Variants in SRFBP1 observed in about 807,000 individuals in gnomAD.
SRFBP1 encodes serum response factor binding protein 1, also known as serum response factor-binding protein 1.
In SRFBP1, 47 loss-of-function variants were observed where a neutral mutation model predicts 45.5. That is an observed-to-expected ratio of 1.03 (90% CI 0.82 to 1.32). SRFBP1 has a LOEUF of 1.32. Ranked by LOEUF, SRFBP1 falls within the 40% of genes most tolerant of loss-of-function variation. SRFBP1 has a pLI of 0.00. For synonymous variants in SRFBP1, 203 were observed against 166.3 expected, an observed-to-expected ratio of 1.22 and a Z score of -1.70; for missense variants, 621 against 484.6, an observed-to-expected ratio of 1.28 and a Z score of -2.64.
downstream of SRFBP1, chr5:122,077,986 C>T: frequency 2.7e-6 from 4 of 1,454,658 alleles, no homozygotes; most frequent in Non-Finnish European, 3.6e-6. The surrounding 1 kb of genome is among the most constrained non-coding windows in gnomAD (Gnocchi z 4.9). Flanking sequence ...CGAAGCGCAT[C>T]ACTCCTTTTG....
At chr5:122,033,775 T>G (rs1180017970) in intron 2 of SRFBP1, among the ~76,000 whole-genome samples, 2 of 151,680 alleles carry the variant, frequency 1.3e-5, no homozygotes, top group East Asian at 3.9e-4. Flanking sequence ...TCTGCTTTCT[T>G]GTTTCCATTT....
intron 1 of SRFBP1, among the ~76,000 whole-genome samples, chr5:121,969,139 T>C (rs1401516432): frequency 1.3e-5 from 2 of 152,200 alleles, no homozygotes; most frequent in African/African-American, 4.8e-5. Context: ...GAGCTCATTC[T>C]CTAAAAAGCA....
intron 2 of SRFBP1, among the ~76,000 whole-genome samples, chr5:122,038,371 CA>C (rs1753724022): frequency 6.6e-6 from 1 of 152,086 alleles, no homozygotes; most frequent in South Asian, 2.1e-4. Flanking sequence ...AGTGACAAAG[CA>C]GTTATTAAAA....
chr5:121,979,792 G>T (rs548704347), intron 3 of SRFBP1, among the ~76,000 whole-genome samples: 13 of 152,188 alleles, frequency 8.5e-5, no homozygotes, highest in African/African-American at 2.9e-4. Context: ...AGGAAGTCTG[G>T]TTATTACCTC....
At chr5:121,977,445 T>G (rs1752326419) in intron 3 of SRFBP1, among the ~76,000 whole-genome samples, 1 of 152,124 alleles carries the variant, frequency 6.6e-6, no homozygotes, top group Admixed American at 6.6e-5. Flanking sequence ...ACGTGTCAAA[T>G]TTTATTCCTT....
At chr5:122,057,797 G>C (rs1490772721) in intron 2 of SRFBP1, among the ~76,000 whole-genome samples, 1 of 152,018 alleles carries the variant, frequency 6.6e-6, no homozygotes, top group Non-Finnish European at 1.5e-5. Flanking sequence ...TCCCATCTCA[G>C]CCTCCTGAGC....
In SRFBP1 at chr5:121,989,604, C is replaced by T. The variant is rs959793806; in HGVS notation, c.199-4995C>T. Among the ~76,000 whole-genome samples the T allele has an allele frequency of 1.7e-4, 26 of 152,142 alleles. 1 individual carries two copies. The highest frequency in any genetic ancestry group is 5.2e-4 in the Admixed American group (8 of 15,270). On this transcript the variant is annotated intron_variant, in intron 3 of 7. Coordinates refer to ENST00000339397, the MANE Select transcript of SRFBP1 (RefSeq NM_152546.3). The stretch of plus-strand genomic sequence containing the variant: ...CTTGGAATAGATATATAACTCCTGT[C>T]TAAAATGTCTATTACTGGGTCTAGA...
chr5:121,998,360 T>C (rs1752777740), intron 4 of SRFBP1, among the ~76,000 whole-genome samples: 1 of 147,960 alleles, frequency 6.8e-6, no homozygotes, highest in Non-Finnish European at 1.5e-5. Context: ...TTCATGTCCT[T>C]TGTAGGGACA....
chr5:122,008,518 G>A (rs897963271), intron 4 of SRFBP1, among the ~76,000 whole-genome samples: 1 of 152,162 alleles, frequency 6.6e-6, no homozygotes, highest in African/African-American at 2.4e-5. Flanking sequence ...GTTGGGGAAG[G>A]GGTAACTTGA....
At chr5:122,070,795 G>T (rs1311557337) in intron 2 of SRFBP1, 1 of 398,516 alleles carries the variant, frequency 2.5e-6, no homozygotes, top group South Asian at 7.0e-5. Flanking sequence ...ACTAATATAA[G>T]TAGTAGTACA....
At chr5:122,039,331 G>A (rs1753737757) in intron 2 of SRFBP1, among the ~76,000 whole-genome samples, 1 of 152,112 alleles carries the variant, frequency 6.6e-6, no homozygotes, top group African/African-American at 2.4e-5. Context: ...TATAGTAACT[G>A]GATGGAACTT....
rs375232683 is a variant in SRFBP1 at position 122,026,381 on chromosome 5, G to T, written c.1106-561G>T. 2.0e-4 allele frequency among the ~76,000 whole-genome samples: 30 copies of T among 152,274 alleles called. No homozygotes were observed. The South Asian group carries it at 5.6e-3, about 28-fold the overall frequency. ...GGAGATTAATGTTACAACTAAAAAA[G>T]AACTTTGTCTTATATTCTTGAGTAG... On this transcript the variant is annotated intron_variant, in intron 7 of 7. Transcript: ENST00000339397.
intron 1 of SRFBP1, among the ~76,000 whole-genome samples, chr5:121,967,556 A>C (rs1752097831): frequency 6.6e-6 from 1 of 152,174 alleles, no homozygotes; most frequent in Non-Finnish European, 1.5e-5. Flanking sequence ...AATTTTGGCC[A>C]GGTGCAGTGC....
chr5:121,996,700 A>G (rs1310601996), intron 4 of SRFBP1, among the ~76,000 whole-genome samples: 4 of 73,952 alleles, frequency 5.4e-5, no homozygotes, highest in African/African-American at 1.3e-4. Context: ...AGGGTATTCA[A>G]TTAGGAAAAG....
downstream of SRFBP1, among the ~76,000 whole-genome samples, chr5:122,032,216 A>G (rs568872895): frequency 5.3e-5 from 8 of 151,860 alleles, no homozygotes; most frequent in South Asian, 1.0e-3. Flanking sequence ...TGAAATTTAT[A>G]TGGTTCTGAC....
intron 2 of SRFBP1, among the ~76,000 whole-genome samples, chr5:122,055,592 A>T (rs1330134971): frequency 2.6e-5 from 4 of 152,140 alleles, no homozygotes; most frequent in Admixed American, 2.6e-4. Context: ...TTCCAGTAAA[A>T]CCAATAAAAG....
At chr5:122,050,526 C>T (rs1753955845) in intron 2 of SRFBP1, among the ~76,000 whole-genome samples, 2 of 152,062 alleles carry the variant, frequency 1.3e-5, no homozygotes, top group African/African-American at 4.8e-5. Context: ...AGTTTGGGTG[C>T]ATAGAAGTGT....
intron 2 of SRFBP1, among the ~76,000 whole-genome samples, chr5:122,054,668 A>G (rs1253013570): frequency 6.6e-6 from 1 of 152,166 alleles, no homozygotes; most frequent in African/African-American, 2.4e-5. Context: ...CTGAGTAATG[A>G]TTAAATTAAT....
chr5:121,967,964 C>A (rs1353145638), intron 1 of SRFBP1, among the ~76,000 whole-genome samples: 1 of 152,178 alleles, frequency 6.6e-6, no homozygotes, highest in African/African-American at 2.4e-5. Context: ...TTTGCTATAT[C>A]TTAATATTTA....
Sources: gnomAD v4.1 joint callset for allele counts (sites outside exome capture counted in the v4.1 genomes callset) on GRCh38, gnomAD v4.1.1 for gene constraint, Gnocchi (gnomAD v3.1) non-coding constraint, MANE v1.5 for transcripts, NCBI Gene and HGNC (gene_info 2026-07-23, HGNC 2026-07-21) for gene names.